RPA1: variants seen among roughly 807,000 people sequenced by gnomAD.
RPA1 encodes the protein replication protein A1, also known as replication protein A 70 kDa DNA-binding subunit.
RPA1 carries 49 observed loss-of-function variants against 83.0 expected under a neutral mutation model. The observed-to-expected ratio is 0.59, with a 90% CI of 0.47 to 0.75. The LOEUF (loss-of-function observed/expected upper bound fraction) is 0.75, where lower values mean the gene tolerates loss of function less well. RPA1 is among the 30% of genes least tolerant of loss of function. RPA1 has a pLI of 0.00. For synonymous variants in RPA1, 279 were observed against 281.8 expected (o/e 0.99, Z 0.10); for missense variants, 693 against 776.1 (o/e 0.89, Z 1.27).
chr17:1,868,319 C>T (rs1294948399), intron 5 of RPA1, among the ~76,000 whole-genome samples: 1 of 152,178 alleles, frequency 6.6e-6, no homozygotes, highest in Non-Finnish European at 1.5e-5. Flanking sequence ...GCAGTGCTTT[C>T]TCCTCTGTTG....
chr17:1,893,415 T>C (rs1239097230), intron 15 of RPA1, among the ~76,000 whole-genome samples: 3 of 151,952 alleles, frequency 2.0e-5, no homozygotes, highest in African/African-American at 7.2e-5. Context: ...TTTAACCCAT[T>C]GTTTTATTTT....
intron 16 of RPA1, among the ~76,000 whole-genome samples, chr17:1,896,717 C>G (rs1914444647): frequency 6.6e-6 from 1 of 152,230 alleles, no homozygotes; most frequent in African/African-American, 2.4e-5. Context: ...GCTTTCAGAA[C>G]TAGCTGTGTG....
At position 1,838,290 on chromosome 17, in the gene RPA1, C is replaced by CA. The variant is rs1911900279; in HGVS notation, c.34-4506dup. On this transcript the variant is annotated intron_variant, in intron 1 of 16. Coordinates refer to ENST00000254719, the MANE Select transcript of RPA1 (RefSeq NM_002945.5). Reference sequence around the variant, plus strand: ...TGGGCAACAGAGCAAAACTCCGTCTCAAAAAAATAATTAAATAAATAAAAT... The same window carrying CA: ...TGGGCAACAGAGCAAAACTCCGTCTCAAAAAAAATAATTAAATAAATAAAAT... Among the ~76,000 whole-genome samples, 3 of 146,574 alleles carry CA rather than the reference C, an allele frequency of 2.0e-5. No individual in the cohort carries two copies. In the South Asian group the frequency reaches 6.6e-4, roughly 32 times the overall value.
At chr17:1,849,651 G>A (rs180747771) in intron 4 of RPA1, among the ~76,000 whole-genome samples, 1 of 150,782 alleles carries the variant, frequency 6.6e-6, no homozygotes, top group Admixed American at 6.6e-5. Context: ...TGTATTGACA[G>A]CGCTGTCAAA....
chr17:1,873,311 C>T (rs1365783202), intron 6 of RPA1, among the ~76,000 whole-genome samples: 1 of 152,148 alleles, frequency 6.6e-6, no homozygotes, highest in Non-Finnish European at 1.5e-5. Context: ...GCAGCAGGTC[C>T]TAAGAGGCAT....
intron 1 of RPA1, 73 bp from the exon 2 acceptor site, chr17:1,842,730 C>T: frequency 5.2e-6 from 7 of 1,341,886 alleles, no homozygotes; most frequent in Non-Finnish European, 7.5e-6. Flanking sequence ...TTCCAAATAC[C>T]AACTATAAAA....
chr17:1,844,553 C>G (rs781062765), intron 3 of RPA1, 25 bp from the exon 4 acceptor site: 1 of 1,594,876 alleles, frequency 6.3e-7, no homozygotes, highest in South Asian at 1.1e-5. Context: ...ATTTTGGAGG[C>G]TAAAGAAATC....
At chr17:1,859,619 T>TTTTTG (rs1201985399) in intron 5 of RPA1, among the ~76,000 whole-genome samples, 7 of 152,116 alleles carry the variant, frequency 4.6e-5, no homozygotes, top group East Asian at 1.9e-4. Flanking sequence ...TTTGGCGTTT[T>TTTTTG]TTTTGTTTTG....
intron 1 of RPA1, among the ~76,000 whole-genome samples, chr17:1,834,515 G>A (rs1254227019): frequency 2.0e-5 from 3 of 152,152 alleles, no homozygotes; most frequent in Non-Finnish European, 4.4e-5. Context: ...TATCATTTTC[G>A]TTCAAAAGAC....
intron 7 of RPA1, 91 bp from the exon 8 acceptor site, chr17:1,877,121 G>A (rs569013758): frequency 1.1e-4 from 130 of 1,221,606 alleles, no homozygotes; most frequent in South Asian, 9.0e-4. Flanking sequence ...CGGAATATGC[G>A]TAAGACGAGA....
intron 1 of RPA1, among the ~76,000 whole-genome samples, chr17:1,831,935 C>A (rs1481319437): frequency 4.0e-5 from 3 of 75,870 alleles, no homozygotes; most frequent in East Asian, 9.1e-4. Context: ...GAGGCAGAGT[C>A]TCACTCTTTC....
At chr17:1,885,713 T>C (rs139371080) in intron 13 of RPA1, among the ~76,000 whole-genome samples, 36 of 152,220 alleles carry the variant, frequency 2.4e-4, no homozygotes, top group African/African-American at 7.0e-4. Flanking sequence ...TGCCAGGAGT[T>C]ACAGGTGTGA....
At chr17:1,875,543 C>T in intron 6 of RPA1, 118 bp from the exon 7 acceptor site, 1 of 1,099,192 alleles carries the variant, frequency 9.1e-7, no homozygotes, top group Non-Finnish European at 1.3e-6. Flanking sequence ...AGCTTTGCCT[C>T]TCATGTTATA....
intron 15 of RPA1, among the ~76,000 whole-genome samples, chr17:1,893,444 TGGTTTG>T (rs17292447): frequency 0.19 from 29,012 of 152,116 alleles, 2,962 homozygotes; most frequent in East Asian, 0.3. Flanking sequence ...AAAGTCCATT[TGGTTTG>T]GGTTTGGGTT....
intron 16 of RPA1, among the ~76,000 whole-genome samples, chr17:1,895,573 A>AAGTC (rs1166677695): frequency 6.6e-6 from 1 of 151,946 alleles, no homozygotes; most frequent in Non-Finnish European, 1.5e-5. Flanking sequence ...CCCCGTTTCT[A>AAGTC]AGTCAGTCAG....
intron 7 of RPA1, 126 bp downstream of exon 7, chr17:1,875,919 A>AAT: frequency 1.6e-5 from 14 of 859,386 alleles, no homozygotes; most frequent in South Asian, 3.9e-5. Context: ...GAATGGGTTT[A>AAT]CTCTTTTTTT....
chr17:1,874,220 C>T (rs902115619), intron 6 of RPA1, among the ~76,000 whole-genome samples: 1 of 151,706 alleles, frequency 6.6e-6, no homozygotes, highest in Non-Finnish European at 1.5e-5. Context: ...TTTTAAAAAT[C>T]TGGGCTGGGC....
intron 4 of RPA1, among the ~76,000 whole-genome samples, chr17:1,847,356 G>C (rs983226237): frequency 2.0e-5 from 3 of 152,206 alleles, no homozygotes; most frequent in Non-Finnish European, 4.4e-5. Flanking sequence ...GCATGGTTGT[G>C]GGAGAGGGTG....
intron 1 of RPA1, among the ~76,000 whole-genome samples, chr17:1,832,667 G>A (rs1030342928): frequency 2.0e-5 from 3 of 152,126 alleles, no homozygotes; most frequent in African/African-American, 7.2e-5. Flanking sequence ...GATTACAGGC[G>A]TGAGCCACCG....
Sources: allele counts gnomAD v4.1 joint callset (sites outside exome capture counted in the v4.1 genomes callset), GRCh38; gene constraint gnomAD v4.1.1; transcripts MANE v1.5; gene names NCBI Gene and HGNC (gene_info 2026-07-23, HGNC 2026-07-21).